Variants in MEF2B observed in about 807,000 individuals in gnomAD.
MEF2B encodes the protein myocyte enhancer factor 2B, also known as myocyte-specific enhancer factor 2B.
MEF2B carries 15 observed loss-of-function variants against 32.2 expected under a neutral mutation model. That is an observed-to-expected ratio of 0.47 (90% CI 0.31 to 0.72). The LOEUF is 0.72. Among genes scored for constraint, MEF2B ranks in the 30% least tolerant of loss-of-function variants. The pLI is 0.05. For synonymous variants in MEF2B, 205 were observed against 225.6 expected, an observed-to-expected ratio of 0.91 and a Z score of 0.82; for missense variants, 441 against 511.5, an observed-to-expected ratio of 0.86 and a Z score of 1.33.
chr19:19,158,686 A>G (rs1023371412), intron 1 of MEF2B, among the ~76,000 whole-genome samples: 4 of 150,578 alleles, frequency 2.7e-5, no homozygotes, highest in Non-Finnish European at 4.4e-5. Context: ...TGAGCCCAGG[A>G]GGTGGAGGTT....
At chr19:19,156,567 G>C (rs1409372991) in intron 1 of MEF2B, among the ~76,000 whole-genome samples, 1 of 152,118 alleles carries the variant, frequency 6.6e-6, no homozygotes, top group Non-Finnish European at 1.5e-5. Flanking sequence ...TGGTTTTACA[G>C]CTATTTTCTC....
chr19:19,167,031 C>T (rs1474543416), intron 1 of MEF2B, among the ~76,000 whole-genome samples: 1 of 152,030 alleles, frequency 6.6e-6, no homozygotes, highest in Non-Finnish European at 1.5e-5. Context: ...TGACAAGACC[C>T]CATATTTATA....
intron 1 of MEF2B, among the ~76,000 whole-genome samples, chr19:19,153,618 C>T (rs28637041): frequency 2.6e-5 from 4 of 151,726 alleles, no homozygotes; most frequent in Non-Finnish European, 5.9e-5. Flanking sequence ...CACCACACCT[C>T]GCTAATTTTT....
chr19:19,155,811 G>A (rs2060115987), intron 1 of MEF2B, among the ~76,000 whole-genome samples: 1 of 152,202 alleles, frequency 6.6e-6, no homozygotes, highest in African/African-American at 2.4e-5. Context: ...TGGCAGCACA[G>A]GCTGAATGTG....
At chr19:19,161,547 A>C (rs2060163132) in intron 1 of MEF2B, among the ~76,000 whole-genome samples, 3 of 151,944 alleles carry the variant, frequency 2.0e-5, no homozygotes, top group Non-Finnish European at 4.4e-5. Context: ...CAGACCCCAA[A>C]AACACTCAGA....
intron 1 of MEF2B, among the ~76,000 whole-genome samples, chr19:19,167,734 G>C (rs2060220953): frequency 1.3e-5 from 2 of 152,170 alleles, no homozygotes; most frequent in Non-Finnish European, 2.9e-5. Flanking sequence ...AGTGGGTTCA[G>C]CTTGCTCCGC....
At chr19:19,160,754 T>A (rs1052100321) in intron 1 of MEF2B, among the ~76,000 whole-genome samples, 7 of 151,952 alleles carry the variant, frequency 4.6e-5, no homozygotes, top group African/African-American at 9.7e-5. Flanking sequence ...CATCACCTGC[T>A]CCCCAAGTAC....
chr19:19,167,871 T>A (rs1419141814), intron 1 of MEF2B, among the ~76,000 whole-genome samples: 3 of 152,170 alleles, frequency 2.0e-5, no homozygotes, highest in Admixed American at 2.0e-4. Flanking sequence ...AGGCATGGCC[T>A]TGAGCTCCAT....
intron 1 of MEF2B, among the ~76,000 whole-genome samples, chr19:19,163,543 C>T (rs1186619288): frequency 6.6e-6 from 1 of 152,210 alleles, no homozygotes; most frequent in Non-Finnish European, 1.5e-5. Context: ...GCCCTGCCGG[C>T]TTCCCAGCGC....
chr19:19,150,501 G>A (rs541727623), intron 2 of MEF2B, among the ~76,000 whole-genome samples, 181 bp downstream of exon 2: 12 of 147,242 alleles, frequency 8.1e-5, no homozygotes, highest in African/African-American at 2.5e-4. Context: ...TCCAGGCTGG[G>A]CAACAGAGTG....
chr19:19,149,764 G>A (rs2060057179), intron 2 of MEF2B, among the ~76,000 whole-genome samples: 1 of 98,754 alleles, frequency 1.0e-5, no homozygotes, highest in Non-Finnish European at 1.9e-5. Context: ...AGTCATCAGG[G>A]AGAATAAATG....
At position 19,147,044 on chromosome 19, in the gene MEF2B, C is replaced by T. The variant is rs1243002946; in HGVS notation, c.533G>A (p.Gly178Glu). The part of the protein sequence containing the change: ...SPFRPAAPKA[G>E]PPGLVHPLFS... Reference sequence around the variant, plus strand: ...CACTGTCCCATGCTCACCTGGGGGCCCGGCTTTGGGGGCTGCTGGTCGGAA... The same window carrying T: ...CACTGTCCCATGCTCACCTGGGGGCTCGGCTTTGGGGGCTGCTGGTCGGAA... Residue 178 changes from glycine (G) to glutamate (E), a missense_variant, in exon 5 of 9, where the codon GGG (glycine) becomes GAG (glutamate). By Grantham distance (98) the Gly-to-Glu change is moderately conservative. Coordinates refer to ENST00000424583, the MANE Select transcript of MEF2B (RefSeq NM_001145785.2). 9.4e-6 allele frequency: 15 copies of T among 1,601,478 alleles called. No homozygotes were observed. The highest frequency in any genetic ancestry group is 1.2e-5 in the Non-Finnish European group (14 of 1,174,778).
intron 1 of MEF2B, among the ~76,000 whole-genome samples, 167 bp downstream of exon 1, chr19:19,170,038 C>T (rs1235888055): frequency 6.6e-6 from 1 of 152,086 alleles, no homozygotes; most frequent in East Asian, 1.9e-4. Context: ...AGACACAACC[C>T]CCTCCTGCCA....
intron 3 of MEF2B, 150 bp from the exon 4 acceptor site, chr19:19,147,982 C>G: frequency 7.4e-7 from 1 of 1,354,600 alleles, no homozygotes; most frequent in East Asian, 2.6e-5. Flanking sequence ...CCCCACTGAC[C>G]AAACCCCGGT....
rs758668276 is a variant in MEF2B, at chr19:19,147,813, A to G, written c.278T>C (p.Ile93Thr). The G allele has an allele frequency of 8.7e-6, 14 of 1,613,384 alleles. No individual in the cohort carries two copies. The highest frequency in any genetic ancestry group is 1.1e-5 in the Non-Finnish European group (13 of 1,179,924). The change falls in exon 4 of 9, where the codon ATT becomes ACT. Residue 93 changes from isoleucine (I) to threonine (T), a missense_variant. Ile to Thr is a moderately conservative substitution (Grantham distance 89). This residue lies in a region of MEF2B where 115 missense variants were observed against 183.1 expected (regional missense o/e 0.63). Transcript: ENST00000424583. ...CTCCAGCTCTGGCCCATCGAGGCCA[A>G]TGCCCCTCCGCTTCAGCGTCTATGG... is the stretch of plus-strand genomic sequence containing the variant. ...DILETLKRRG[I>T]GLDGPELEPD...
At chr19:19,159,483 G>T (rs1395838883) in intron 1 of MEF2B, among the ~76,000 whole-genome samples, 4 of 151,928 alleles carry the variant, frequency 2.6e-5, no homozygotes, top group African/African-American at 4.8e-5. Flanking sequence ...GTTCAGGCTA[G>T]AGTGAGGTGA....
intron 1 of MEF2B, among the ~76,000 whole-genome samples, chr19:19,158,065 G>A (rs11878301): frequency 0.16 from 24,432 of 151,558 alleles, 2,246 homozygotes; most frequent in East Asian, 0.34. Context: ...ATTTTTCTTC[G>A]TGTGATTTAT....
Position 19,145,969 on chromosome 19 carries a change from G to A in MEF2B, c.935C>T (p.Pro312Leu), listed in dbSNP as rs553139145. 6.9e-6 allele frequency: 10 copies of A among 1,438,974 alleles called. No individual in the cohort carries two copies. In the South Asian group the frequency reaches 8.9e-5, roughly 13 times the overall value. 89.1% of individuals were successfully genotyped at this position (1,438,974 alleles called of 1,614,324 possible). The change falls in exon 9 of 9, where the codon CCG becomes CTG. Residue 312 changes from proline (P) to leucine (L), a missense_variant. By Grantham distance (98) the Pro-to-Leu change is moderately conservative. This residue lies in a region of MEF2B where 326 missense variants were observed against 328.4 expected (regional missense o/e 0.99). Coordinates refer to ENST00000424583, the MANE Select transcript of MEF2B (RefSeq NM_001145785.2). This position sits in a 1 kb window ranked among gnomAD's most constrained non-coding sequence, Gnocchi z 4.6. ...EGPPTRGASP[P>L]TPPVSIKSER... ...AGACTTGATGCTGACTGGGGGGGTC[G>A]GCGGGGAGGCGCCGCGGGTTGGGGG...
intron 1 of MEF2B, among the ~76,000 whole-genome samples, chr19:19,160,263 C>T (rs761213855): frequency 1.8e-4 from 27 of 151,994 alleles, no homozygotes; most frequent in Admixed American, 2.0e-4. Context: ...AGCCACCACA[C>T]GGGGGCCTCT....
Sources: allele counts gnomAD v4.1 joint callset (sites outside exome capture counted in the v4.1 genomes callset), GRCh38; gene constraint gnomAD v4.1.1; regional missense constraint gnomAD v4.1.1; non-coding constraint Gnocchi (gnomAD v3.1); transcripts MANE v1.5; gene names NCBI Gene and HGNC (gene_info 2026-07-23, HGNC 2026-07-21).